ZNF385D: variants seen among roughly 807,000 people sequenced by gnomAD.
The protein encoded by ZNF385D is zinc finger protein 659.
Under a neutral mutation model 35.8 loss-of-function variants are expected in ZNF385D, and 15 were observed. The ratio of observed to expected loss-of-function variants is 0.42; its 90% CI spans 0.28 to 0.64. ZNF385D has a LOEUF of 0.64. ZNF385D is among the 30% of genes least tolerant of loss of function. The pLI is 0.23. For missense variants in ZNF385D, 474 were observed against 494.6 expected (o/e 0.96, Z 0.39); for synonymous variants, 212 against 186.8 (o/e 1.13, Z -1.10).
chr3:21,782,785 G>A (rs2071544177), intron 3 of ZNF385D, among the ~76,000 whole-genome samples: 1 of 152,062 alleles, frequency 6.6e-6, no homozygotes, highest in Non-Finnish European at 1.5e-5. Context: ...ATTACTCTTA[G>A]GGTGAGAGTG....
chr3:21,880,034 T>C lies in ZNF385D; in HGVS notation c.326-215006A>G, dbSNP rs546974746. Among the ~76,000 whole-genome samples, 6 of 152,096 alleles carry C rather than the reference T, an allele frequency of 3.9e-5. No individual in the cohort carries two copies. In the Middle Eastern group the frequency reaches 0.01, roughly 259 times the overall value. ...AATAAATGCAATTATTTTTTAAATA[T>C]GTAAAAATACTATGGGTATGCAAAT... is the stretch of plus-strand genomic sequence containing the variant. On this transcript the variant is annotated intron_variant, in intron 3 of 5. Coordinates refer to the ZNF385D transcript ENST00000494108.
chr3:21,615,879 A>G (rs964673065), intron 2 of ZNF385D, among the ~76,000 whole-genome samples: 1 of 151,968 alleles, frequency 6.6e-6, no homozygotes. Context: ...GGGAAAAGGC[A>G]TACCAAGCTA....
intron 3 of ZNF385D, among the ~76,000 whole-genome samples, chr3:21,840,281 T>A (rs182807251): frequency 2.6e-5 from 4 of 152,004 alleles, no homozygotes; most frequent in African/African-American, 4.8e-5. Context: ...AAACAAACAA[T>A]TAAGACAAAT....
At chr3:22,088,165 G>C (rs554293332) in intron 3 of ZNF385D, among the ~76,000 whole-genome samples, 1 of 152,312 alleles carries the variant, frequency 6.6e-6, no homozygotes, top group East Asian at 1.9e-4. Flanking sequence ...TGAAGCAGGA[G>C]AGAATACCCT....
At chr3:21,551,988 T>C (rs1407631943) in intron 3 of ZNF385D, among the ~76,000 whole-genome samples, 1 of 152,100 alleles carries the variant, frequency 6.6e-6, no homozygotes, top group Admixed American at 6.6e-5. Context: ...CTACAAACTA[T>C]TATTTTCATT....
At chr3:21,613,194 AC>A (rs1186454785) in intron 2 of ZNF385D, among the ~76,000 whole-genome samples, 1 of 152,072 alleles carries the variant, frequency 6.6e-6, no homozygotes, top group Non-Finnish European at 1.5e-5. Flanking sequence ...CAGGAAAGTA[AC>A]GGTAAACCAC....
chr3:22,139,471 T>G (rs867192573), intron 3 of ZNF385D, among the ~76,000 whole-genome samples: 1 of 151,980 alleles, frequency 6.6e-6, no homozygotes, highest in African/African-American at 2.4e-5. Flanking sequence ...TGTAGGGACA[T>G]GGATGAAGCT....
At chr3:21,870,155 AATT>A (rs1405926420) in intron 3 of ZNF385D, among the ~76,000 whole-genome samples, 2 of 152,168 alleles carry the variant, frequency 1.3e-5, no homozygotes, top group African/African-American at 4.8e-5. Flanking sequence ...ATGCTTCAGG[AATT>A]ATTTTTCCCA....
chr3:22,084,360 C>G (rs1275593994), intron 3 of ZNF385D, among the ~76,000 whole-genome samples: 1 of 152,072 alleles, frequency 6.6e-6, no homozygotes, highest in Non-Finnish European at 1.5e-5. Flanking sequence ...CACATACACA[C>G]TCAAAATAAA....
chr3:22,296,871 G>C lies in ZNF385D; in HGVS notation c.106+75579C>G, dbSNP rs1702612697. Among the ~76,000 whole-genome samples, 3 of 152,082 alleles carry C rather than the reference G, an allele frequency of 2.0e-5. No individual in the cohort carries two copies. The South Asian group carries it at 6.2e-4, about 32-fold the overall frequency. ...AAGCCTTAGGCCAGCAACTGGCATGGTGCCATGGCTAATGGGCCAGGCCAG... is the reference window on the plus strand; with the variant it reads ...AAGCCTTAGGCCAGCAACTGGCATGCTGCCATGGCTAATGGGCCAGGCCAG... On this transcript the variant is annotated intron_variant, in intron 2 of 5. Transcript: ENST00000494108.
chr3:22,243,342 G>A (rs1699596625), intron 2 of ZNF385D, among the ~76,000 whole-genome samples: 1 of 151,098 alleles, frequency 6.6e-6, no homozygotes, highest in Non-Finnish European at 1.5e-5. Flanking sequence ...ATACCACAGA[G>A]AATGGCTACA....
chr3:22,172,131 C>G (rs1694495561), intron 2 of ZNF385D, among the ~76,000 whole-genome samples: 1 of 152,068 alleles, frequency 6.6e-6, no homozygotes, highest in Non-Finnish European at 1.5e-5. Flanking sequence ...CCACTTTTTT[C>G]CCTCCTAACC....
intron 3 of ZNF385D, among the ~76,000 whole-genome samples, chr3:21,860,196 G>A (rs1315398054): frequency 6.8e-6 from 1 of 145,994 alleles, no homozygotes; most frequent in Non-Finnish European, 1.5e-5. Context: ...GGTTGAGCAC[G>A]TTTGCTGTAA....
rs904891325 is a variant in ZNF385D at position 21,967,924 on chromosome 3, C to T, written c.325+200893G>A. On this transcript the variant is annotated intron_variant, in intron 3 of 5. Transcript: ENST00000494108. ...GAACTAAAAATCAGGTGAGCAATCA[C>T]AGTATCTGTTCTTAACATCATGTAA... Among the ~76,000 whole-genome samples, 4 of 152,210 alleles carry T rather than the reference C, an allele frequency of 2.6e-5. No individual in the cohort carries two copies. The East Asian group carries it at 7.7e-4, about 29-fold the overall frequency.
At chr3:21,915,161 A>G (rs1700136247) in intron 3 of ZNF385D, among the ~76,000 whole-genome samples, 1 of 151,972 alleles carries the variant, frequency 6.6e-6, no homozygotes, top group South Asian at 2.1e-4. Flanking sequence ...CAGAAACTCT[A>G]GGTGCGTTAC....
At chr3:22,015,195 A>G (rs1490512283) in intron 3 of ZNF385D, among the ~76,000 whole-genome samples, 2 of 152,170 alleles carry the variant, frequency 1.3e-5, no homozygotes, top group African/African-American at 4.8e-5. Flanking sequence ...GCTTACTGTC[A>G]AGCATTAAAC....
Position 21,999,770 on chromosome 3 carries a change from CA to C in ZNF385D, c.325+169046del, listed in dbSNP as rs577860632. The stretch of plus-strand genomic sequence containing the variant: ...GTTCTTGTAAAATACCCCAGTCAGG[CA>C]AAAAAAAAAAAAATAATAATAATGA... On this transcript the variant is annotated intron_variant, in intron 3 of 5. Transcript: ENST00000494108. Among the ~76,000 whole-genome samples the C allele has an allele frequency of 3.7e-3, 184 of 49,220 alleles. 1 individual carries two copies. The highest frequency in any genetic ancestry group is 0.013 in the East Asian group (41 of 3,176). 32.3% of individuals were successfully genotyped at this position (49,220 alleles called of 152,430 possible). A position where few individuals can be genotyped will look rare whatever the true frequency, so the allele number is the denominator to read the frequency against.
intron 3 of ZNF385D, among the ~76,000 whole-genome samples, chr3:22,106,910 T>G (rs1032802612): frequency 6.6e-6 from 1 of 152,096 alleles, no homozygotes; most frequent in Non-Finnish European, 1.5e-5. Context: ...CTTCCTCTAC[T>G]CTTGCTAGTT....
intron 1 of ZNF385D, among the ~76,000 whole-genome samples, chr3:21,696,943 T>C (rs1174036422): frequency 6.6e-6 from 1 of 152,238 alleles, no homozygotes; most frequent in Non-Finnish European, 1.5e-5. Context: ...GTTTTAATAT[T>C]ATTTAAAAGA....
Sources: allele counts gnomAD v4.1 joint callset (sites outside exome capture counted in the v4.1 genomes callset), GRCh38; gene constraint gnomAD v4.1.1; transcripts MANE v1.5; gene names NCBI Gene and HGNC (gene_info 2026-07-23, HGNC 2026-07-21).